NIPSNAP2: variants seen among roughly 807,000 people sequenced by gnomAD.
The protein encoded by NIPSNAP2 is nipsnap homolog 2.
Under a neutral mutation model 48.4 loss-of-function variants are expected in NIPSNAP2, and 42 were observed. The observed-to-expected ratio is 0.87, with a 90% confidence interval of 0.68 to 1.12. NIPSNAP2 has a LOEUF of 1.12. Ranked by LOEUF, NIPSNAP2 falls within the 50% of genes most tolerant of loss-of-function variation. The probability of loss-of-function intolerance (pLI) is 0.00; values close to 1 mark genes in which losing one functional copy is unlikely to be tolerated. For missense variants in NIPSNAP2, 314 were observed against 347.3 expected (o/e 0.90, Z 0.76); for synonymous variants, 158 against 126.6 (o/e 1.25, Z -1.67).
chr7:55,994,840 C>G (rs939060070), intron 7 of NIPSNAP2, 54 bp from the exon 8 acceptor site: 1 of 1,446,702 alleles, frequency 6.9e-7, no homozygotes, highest in Non-Finnish European at 9.7e-7. Context: ...TCTACCGATT[C>G]TCGTTAGCGT....
Position 55,982,915 on chromosome 7 carries a change from G to GAGTTTGAGACCAGC in NIPSNAP2, c.444+636_444+649dup, listed in dbSNP as rs1224484583. On this transcript the variant is annotated intron_variant, in intron 5 of 9. Coordinates refer to ENST00000322090, the MANE Select transcript of NIPSNAP2 (RefSeq NM_001483.3). ...AGGCAGGCATATCAGTTGAGGCCAG[G>GAGTTTGAGACCAGC]AGTTTGAGACCAGCGTGGCCAACAT... Among the ~76,000 whole-genome samples the GAGTTTGAGACCAGC allele has an allele frequency of 3.3e-5, 5 of 152,162 alleles. No homozygotes were observed. In the East Asian group the frequency reaches 7.7e-4, roughly 24 times the overall value.
At chr7:55,994,744 G>T in intron 7 of NIPSNAP2, 150 bp from the exon 8 acceptor site, 2 of 672,778 alleles carry the variant, frequency 3.0e-6, no homozygotes, top group Non-Finnish European at 5.3e-6. Flanking sequence ...AATAACTTTT[G>T]ATTTGCCTTA....
At chr7:55,997,482 T>G (rs778633198) in intron 9 of NIPSNAP2, 33 bp downstream of exon 9, 2 of 1,502,624 alleles carry the variant, frequency 1.3e-6, no homozygotes, top group Non-Finnish European at 1.9e-6. Flanking sequence ...ATATGCTTTT[T>G]GTCTTACTGT....
intron 1 of NIPSNAP2, among the ~76,000 whole-genome samples, chr7:55,966,326 C>T (rs963013265): frequency 1.3e-5 from 2 of 152,088 alleles, no homozygotes; most frequent in Non-Finnish European, 2.9e-5. Flanking sequence ...CATAATAAAG[C>T]CTGGACGCAG....
chr7:55,976,999 G>A (rs1003537615), intron 1 of NIPSNAP2, among the ~76,000 whole-genome samples: 7 of 152,206 alleles, frequency 4.6e-5, no homozygotes, highest in Non-Finnish European at 1.0e-4. Context: ...ATTATGAGAT[G>A]AAAATTAGCA....
rs1435495283 is a variant in NIPSNAP2, at chr7:55,972,536, G to T, written c.93-5590G>T. Reference sequence around the variant, plus strand: ...CACCCTGCACCTCCCGGGTTCAAGCGATTCTCCTGCCTCAGCCTCCTGAGT... The same window carrying T: ...CACCCTGCACCTCCCGGGTTCAAGCTATTCTCCTGCCTCAGCCTCCTGAGT... On this transcript the variant is annotated intron_variant, in intron 1 of 9. Coordinates refer to ENST00000322090, the MANE Select transcript of NIPSNAP2 (RefSeq NM_001483.3). Among the ~76,000 whole-genome samples, 4 of 150,652 alleles carry T rather than the reference G, an allele frequency of 2.7e-5. No individual in the cohort carries two copies. The East Asian group carries it at 8.1e-4, about 31-fold the overall frequency.
chr7:55,986,647 A>G (rs1584347425), intron 7 of NIPSNAP2, among the ~76,000 whole-genome samples: 1 of 152,042 alleles, frequency 6.6e-6, no homozygotes. Context: ...GGGTGACAGC[A>G]GACTGTTTCA....
At chr7:55,980,570 G>C (rs1045726377) in intron 3 of NIPSNAP2, 1 of 152,150 alleles carries the variant, frequency 6.6e-6, no homozygotes, top group South Asian at 2.1e-4. Flanking sequence ...TTCAAAAAGT[G>C]TGCAGGTTTT....
intron 9 of NIPSNAP2, among the ~76,000 whole-genome samples, 160 bp downstream of exon 9, chr7:55,997,609 T>G (rs1159099404): frequency 6.6e-6 from 1 of 152,224 alleles, no homozygotes. Context: ...TCTCTAATAC[T>G]TACATGACTT....
chr7:55,965,581 T>C (rs1311061601), intron 1 of NIPSNAP2, among the ~76,000 whole-genome samples: 1 of 152,018 alleles, frequency 6.6e-6, no homozygotes. Flanking sequence ...TGTTGTTGTT[T>C]ATTTATTTAT....
intron 1 of NIPSNAP2, among the ~76,000 whole-genome samples, chr7:55,968,009 A>G (rs1490940694): frequency 6.6e-6 from 1 of 151,942 alleles, no homozygotes. Context: ...GGCTAGTCTC[A>G]AACTCCTGGC....
intron 7 of NIPSNAP2, chr7:55,991,902 G>A: frequency 4.6e-6 from 1 of 218,544 alleles, no homozygotes; most frequent in Non-Finnish European, 9.6e-6. Context: ...TGTTTTGTTT[G>A]CCTACCATAA....
chr7:55,984,987 C>G (rs1269131139), intron 7 of NIPSNAP2, 109 bp downstream of exon 7: 1 of 776,596 alleles, frequency 1.3e-6, no homozygotes, highest in African/African-American at 1.8e-5. Context: ...TGACTTAACA[C>G]TGCACTAATG....
chr7:55,998,860 T>A (rs889555123), intron 9 of NIPSNAP2, 148 bp from the exon 10 acceptor site: 1 of 699,728 alleles, frequency 1.4e-6, no homozygotes, highest in Non-Finnish European at 2.6e-6. Flanking sequence ...TGTATATTTC[T>A]GCCCTTGAGG....
At chr7:55,981,158 C>A (rs1338124927) in intron 3 of NIPSNAP2, 1 of 166,132 alleles carries the variant, frequency 6.0e-6, no homozygotes, top group Non-Finnish European at 1.3e-5. Context: ...TTTTTTTCCC[C>A]TCAAATGGAA....
At chr7:55,988,553 A>G (rs141148382) in intron 7 of NIPSNAP2, among the ~76,000 whole-genome samples, 3 of 152,272 alleles carry the variant, frequency 2.0e-5, no homozygotes, top group Admixed American at 1.3e-4. Context: ...GAAATAGTCT[A>G]GTAGTCCCTC....
Position 55,964,701 on chromosome 7 carries a change from G to A in NIPSNAP2, c.92G>A (p.Arg31Gln). The change falls in exon 1 of 10, where the codon CGG becomes CAG. Residue 31 changes from arginine (R) to glutamine (Q), a missense_variant and splice_region_variant. Arg to Gln is a conservative substitution (Grantham distance 43). Coordinates refer to ENST00000322090, the MANE Select transcript of NIPSNAP2 (RefSeq NM_001483.3). The part of the protein sequence containing the change: ...AAPCSLLPRL[R>Q]TWTSSSNRSR... ...CCCTGCAGCCTCCTGCCCAGGCTCC[G>A]GTGAGCAGCGCCGCCCTTCCCGGGA... 8.9e-7 allele frequency: 1 copy of A among 1,121,006 alleles called. No individual in the cohort carries two copies. Among genetic ancestry groups the A allele is most frequent in the African/African-American group, 1.7e-5 (1 of 60,594 alleles). The allele number at this position is 1,121,006 out of a possible 1,614,324, so 69.4% of individuals were successfully genotyped here.
In NIPSNAP2 at chr7:55,978,387, C is replaced by T. The variant is rs763070402; in HGVS notation, c.270C>T (p.Asn90=). 2 of 1,611,306 alleles carry T rather than the reference C, an allele frequency of 1.2e-6. No individual in the cohort carries two copies. The highest frequency in any genetic ancestry group is 1.7e-5 in the Admixed American group (1 of 59,450). Residue 90 remains asparagine, a synonymous_variant, in exon 3 of 10, where the codon AAC becomes AAT. Transcript: ENST00000322090. Reference sequence around the variant, plus strand: ...AACCGGAATGCCTAGAAGCATACAACAAAATTTGGTGTGTATACCAAACTA... The same window carrying T: ...AACCGGAATGCCTAGAAGCATACAATAAAATTTGGTGTGTATACCAAACTA... ...NVKPECLEAY[N]KICQEVLPKI...
chr7:55,986,598 G>A (rs1372067528), intron 7 of NIPSNAP2, among the ~76,000 whole-genome samples: 1 of 151,982 alleles, frequency 6.6e-6, no homozygotes, highest in African/African-American at 2.4e-5. Flanking sequence ...GGAGACAGAG[G>A]TTGTAGTGAG....
Sources: allele counts gnomAD v4.1 joint callset (sites outside exome capture counted in the v4.1 genomes callset), GRCh38; gene constraint gnomAD v4.1.1; transcripts MANE v1.5; gene names NCBI Gene and HGNC (gene_info 2026-07-23, HGNC 2026-07-21).